Variants in SH3RF3 observed in about 807,000 individuals in gnomAD.
SH3RF3 encodes SH3 domain containing ring finger 3.
SH3RF3 carries 29 observed loss-of-function variants against 66.3 expected under a neutral mutation model. That is an observed-to-expected ratio of 0.44 (90% CI 0.33 to 0.60). The LOEUF (loss-of-function observed/expected upper bound fraction) is 0.60. Ranked by LOEUF, SH3RF3 falls within the 20% of genes least tolerant of loss-of-function variation. The pLI, the probability that SH3RF3 is intolerant of heterozygous loss-of-function variation, is 0.04. For synonymous variants in SH3RF3, 583 were observed against 532.0 expected (o/e 1.10, Z -1.32); for missense variants, 1,194 against 1,190.9 (o/e 1.00, Z -0.04).
intron 1 of SH3RF3, among the ~76,000 whole-genome samples, chr2:109,252,373 T>C (rs1680114008): frequency 6.6e-6 from 1 of 152,210 alleles, no homozygotes; most frequent in East Asian, 1.9e-4. Flanking sequence ...GGATGCAAAC[T>C]CTCAAAATTT....
At chr2:109,239,433 G>C (rs1679726194) in intron 1 of SH3RF3, among the ~76,000 whole-genome samples, 2 of 152,128 alleles carry the variant, frequency 1.3e-5, no homozygotes, top group South Asian at 4.1e-4. Flanking sequence ...GTGAAAATTG[G>C]GGTCTTCCCT....
intron 8 of SH3RF3, among the ~76,000 whole-genome samples, chr2:109,475,345 C>T (rs1203910082): frequency 1.3e-5 from 2 of 152,230 alleles, no homozygotes; most frequent in Non-Finnish European, 2.9e-5. Context: ...TTCATTTCTC[C>T]ACCTCCTCAT....
At chr2:109,338,204 A>G (rs1682474225) in intron 1 of SH3RF3, among the ~76,000 whole-genome samples, 1 of 152,208 alleles carries the variant, frequency 6.6e-6, no homozygotes, top group Non-Finnish European at 1.5e-5. Context: ...GGAGTAACTC[A>G]TCTGTATTAA....
intron 7 of SH3RF3, 112 bp downstream of exon 7, chr2:109,437,258 C>T: frequency 7.0e-7 from 1 of 1,426,950 alleles, no homozygotes; most frequent in South Asian, 1.5e-5. Context: ...TGGCTGGTGG[C>T]AGCTTCATGG....
chr2:109,267,431 G>A (rs1680521872), intron 1 of SH3RF3, among the ~76,000 whole-genome samples: 1 of 152,210 alleles, frequency 6.6e-6, no homozygotes, highest in Admixed American at 6.5e-5. Context: ...AAGAGAAGCA[G>A]CACTGAGGAA....
intron 8 of SH3RF3, among the ~76,000 whole-genome samples, chr2:109,456,207 G>A (rs1284081819): frequency 1.3e-5 from 2 of 152,218 alleles, no homozygotes; most frequent in Admixed American, 6.5e-5. Flanking sequence ...AGCTCTGCTG[G>A]TTAGTGGCAC....
chr2:109,382,940 C>T (rs1411604580), intron 3 of SH3RF3, among the ~76,000 whole-genome samples: 2 of 152,352 alleles, frequency 1.3e-5, no homozygotes, highest in Middle Eastern at 3.4e-3. Context: ...TCTTCCAGGC[C>T]CATGCTCACT....
At chr2:109,205,161 T>G (rs1678780127) in intron 1 of SH3RF3, among the ~76,000 whole-genome samples, 1 of 152,178 alleles carries the variant, frequency 6.6e-6, no homozygotes, top group Non-Finnish European at 1.5e-5. Context: ...GAGCCATGTT[T>G]ATGCCGCTGC....
chr2:109,328,849 C>A (rs2105481052), intron 1 of SH3RF3, among the ~76,000 whole-genome samples: 1 of 152,302 alleles, frequency 6.6e-6, no homozygotes, highest in Non-Finnish European at 1.5e-5. Flanking sequence ...GGTGGAATGT[C>A]TGAGTGTCAA....
chr2:109,435,928 C>A (rs368268006), intron 6 of SH3RF3, among the ~76,000 whole-genome samples: 5 of 152,148 alleles, frequency 3.3e-5, no homozygotes, highest in Admixed American at 2.0e-4. Flanking sequence ...CACCCAGGGT[C>A]CCCTAGCAGG....
chr2:109,477,973 A>G (rs756116386), intron 8 of SH3RF3, among the ~76,000 whole-genome samples: 4 of 152,150 alleles, frequency 2.6e-5, no homozygotes, highest in Non-Finnish European at 5.9e-5. Context: ...GGGTTCCCGC[A>G]AGGGCCTCCT....
chr2:109,401,017 G>T (rs191467420), intron 4 of SH3RF3, among the ~76,000 whole-genome samples: 2 of 152,308 alleles, frequency 1.3e-5, no homozygotes, highest in African/African-American at 4.8e-5. Context: ...ACCCAGTGGC[G>T]GACCAGTGTG....
intron 5 of SH3RF3, among the ~76,000 whole-genome samples, chr2:109,422,970 C>T (rs1573239266): frequency 1.3e-5 from 2 of 152,092 alleles, no homozygotes; most frequent in African/African-American, 4.8e-5. Flanking sequence ...GGGTCTGACT[C>T]GGTCCACGTA....
chr2:109,266,852 A>G (rs1358178140), intron 1 of SH3RF3, among the ~76,000 whole-genome samples: 2 of 152,196 alleles, frequency 1.3e-5, no homozygotes, highest in Admixed American at 1.3e-4. Context: ...CCAAATATTC[A>G]GAGCTGGAGA....
intron 8 of SH3RF3, among the ~76,000 whole-genome samples, chr2:109,471,771 G>C (rs1409464747): frequency 6.6e-6 from 1 of 152,220 alleles, no homozygotes; most frequent in Non-Finnish European, 1.5e-5. Flanking sequence ...AGCCATAGGA[G>C]ATAGACTAAT....
At chr2:109,286,234 C>A (rs887775671) in intron 1 of SH3RF3, among the ~76,000 whole-genome samples, 3 of 152,194 alleles carry the variant, frequency 2.0e-5, no homozygotes, top group African/African-American at 4.8e-5. Flanking sequence ...CATTCTGTTT[C>A]TCTGAGGGAG....
intron 6 of SH3RF3, 62 bp downstream of exon 6, chr2:109,432,733 T>G: frequency 6.5e-7 from 1 of 1,541,750 alleles, no homozygotes; most frequent in Non-Finnish European, 8.7e-7. Flanking sequence ...GCCTTACCGC[T>G]GTTGTTACTG....
At chr2:109,262,427 A>G (rs930981612) in intron 1 of SH3RF3, among the ~76,000 whole-genome samples, 1 of 152,064 alleles carries the variant, frequency 6.6e-6, no homozygotes, top group Non-Finnish European at 1.5e-5. Context: ...TGCCCTGGGA[A>G]CCTCTCATGG....
At chr2:109,359,538 A>G (rs1574596288) in intron 2 of SH3RF3, among the ~76,000 whole-genome samples, 1 of 152,218 alleles carries the variant, frequency 6.6e-6, no homozygotes, top group East Asian at 1.9e-4. Flanking sequence ...ATTTCATGAT[A>G]CCATTTACAT....
Sources: allele counts gnomAD v4.1 joint callset (sites outside exome capture counted in the v4.1 genomes callset), GRCh38; gene constraint gnomAD v4.1.1; transcripts MANE v1.5; gene names NCBI Gene and HGNC (gene_info 2026-07-23, HGNC 2026-07-21).